Variants in ZFYVE16 observed in about 807,000 individuals in gnomAD.
The protein encoded by ZFYVE16 is zinc finger FYVE domain-containing protein 16.
In ZFYVE16, 89 loss-of-function variants were observed where a neutral mutation model predicts 138.1. That is an observed-to-expected ratio of 0.64 (90% CI 0.54 to 0.77). The LOEUF is 0.77. ZFYVE16 is among the 30% of genes least tolerant of loss of function. The probability of loss-of-function intolerance (pLI) is 0.00; values close to 1 mark genes in which losing one functional copy is unlikely to be tolerated. For synonymous variants in ZFYVE16, 596 were observed against 618.3 expected, an observed-to-expected ratio of 0.96 and a Z score of 0.53; for missense variants, 1,793 against 1,786.7, an observed-to-expected ratio of 1.00 and a Z score of -0.06.
At position 80,459,179 on chromosome 5, in the gene ZFYVE16, C is replaced by T. The variant is rs190263833; in HGVS notation, c.3944-235C>T. On this transcript the variant is annotated intron_variant, in intron 14 of 18. Coordinates refer to ENST00000505560, the MANE Select transcript of ZFYVE16 (RefSeq NM_001284236.3). ...TTGACCTCAGGTGATCTGCCCTTTTCGGCCTCCCAAAGTGCTGGGATTACA... is the reference window on the plus strand; with the variant it reads ...TTGACCTCAGGTGATCTGCCCTTTTTGGCCTCCCAAAGTGCTGGGATTACA... Among the ~76,000 whole-genome samples the T allele has an allele frequency of 9.4e-4, 143 of 152,288 alleles. 1 individual carries two copies. Among genetic ancestry groups the T allele is most frequent in the African/African-American group, 3.0e-3 (124 of 41,566 alleles).
intron 1 of ZFYVE16, among the ~76,000 whole-genome samples, chr5:80,427,174 T>G (rs188717804): frequency 6.6e-6 from 1 of 152,100 alleles, no homozygotes; most frequent in Non-Finnish European, 1.5e-5. Context: ...TGTGAGCCAC[T>G]GCGCCCGGCC....
intron 15 of ZFYVE16, among the ~76,000 whole-genome samples, chr5:80,469,094 C>CTT (rs60001690): frequency 0.021 from 2,903 of 136,558 alleles, 50 homozygotes; most frequent in Middle Eastern, 0.042. Context: ...TTCTTTCTCT[C>CTT]TTTTTTTTTT....
intron 1 of ZFYVE16, among the ~76,000 whole-genome samples, chr5:80,412,780 G>A (rs943604978): frequency 3.3e-5 from 5 of 152,014 alleles, no homozygotes; most frequent in Admixed American, 2.0e-4. Context: ...TCAGAGTTCC[G>A]TTACTACTAC....
intron 5 of ZFYVE16, chr5:80,440,596 T>G (rs1182625554): frequency 1.0e-6 from 1 of 985,094 alleles, no homozygotes; most frequent in Non-Finnish European, 1.2e-6. Context: ...CCATTATTTC[T>G]TTGGCTCTCT....
rs1211962818 is a variant in ZFYVE16, at chr5:80,459,443, G to A, written c.3973G>A (p.Gly1325Arg). 6.2e-7 allele frequency: 1 copy of A among 1,613,022 alleles called. No individual in the cohort carries two copies. The highest frequency in any genetic ancestry group is 8.5e-7 in the Non-Finnish European group (1 of 1,179,524). The change falls in exon 15 of 19, where the codon GGA (glycine) becomes AGA (arginine). Residue 1325 changes from glycine to arginine, a missense_variant. Around this residue, in one of 2 missense-constraint regions of ZFYVE16, gnomAD observed 498 missense variants for 582.4 expected, o/e 0.86. Transcript: ENST00000505560. ...AGGTGCAAGTTTTGTGGTATTCAATGGAGCTCTAAAAACATCTTCAGGATT... is the reference window on the plus strand; with the variant it reads ...AGGTGCAAGTTTTGTGGTATTCAATAGAGCTCTAAAAACATCTTCAGGATT... ...VTGASFVVFN[G>R]ALKTSSGFLA...
intron 18 of ZFYVE16, 137 bp downstream of exon 18, chr5:80,474,967 A>G (rs371958412): frequency 2.2e-6 from 2 of 913,978 alleles, no homozygotes; most frequent in South Asian, 3.8e-5. Context: ...CTTCACATAT[A>G]TTATCTGTAT....
rs923500029 is a variant in ZFYVE16, at chr5:80,437,018, A to G, written c.333A>G (p.Ser111=). 6 of 1,614,232 alleles carry G rather than the reference A, an allele frequency of 3.7e-6. No individual in the cohort carries two copies. The highest frequency in any genetic ancestry group is 1.1e-5 in the South Asian group (1 of 91,086). Residue 111 remains serine, a synonymous_variant, in exon 4 of 19, where the codon TCA becomes TCG. Coordinates refer to ENST00000505560, the MANE Select transcript of ZFYVE16 (RefSeq NM_001284236.3). The stretch of plus-strand genomic sequence containing the variant: ...TTTCTTCTGTGGATGGTGGTACTTC[A>G]GATGAAATCCAGCCGTTATATATGG... ...DLLSSVDGGT[S]DEIQPLYMGR...
At chr5:80,443,368 A>G in intron 6 of ZFYVE16, 84 bp downstream of exon 6, 1 of 1,426,850 alleles carries the variant, frequency 7.0e-7, no homozygotes, top group Non-Finnish European at 9.5e-7. Context: ...TAGTCAGGAA[A>G]GAGAAACCAG....
At chr5:80,423,301 T>C (rs1747512895) in intron 1 of ZFYVE16, among the ~76,000 whole-genome samples, 1 of 152,150 alleles carries the variant, frequency 6.6e-6, no homozygotes, top group African/African-American at 2.4e-5. Flanking sequence ...ATTACCAAAT[T>C]TGTGGGCAGA....
intron 1 of ZFYVE16, among the ~76,000 whole-genome samples, chr5:80,411,484 A>G (rs1745452825): frequency 6.6e-6 from 1 of 151,758 alleles, no homozygotes; most frequent in Non-Finnish European, 1.5e-5. Flanking sequence ...AAGTTTTGTG[A>G]TTTGATTTTC....
chr5:80,470,873 T>C (rs891254421), intron 15 of ZFYVE16, among the ~76,000 whole-genome samples: 3 of 152,156 alleles, frequency 2.0e-5, no homozygotes, highest in African/African-American at 7.2e-5. Context: ...CCTGAAACTA[T>C]TGCTACAGAA....
chr5:80,453,045 A>G lies in ZFYVE16; in HGVS notation c.3607+1336A>G, dbSNP rs1031326273. On this transcript the variant is annotated intron_variant, in intron 11 of 18. Coordinates refer to ENST00000505560, the MANE Select transcript of ZFYVE16 (RefSeq NM_001284236.3). ...AACTTTTTAGACATTTGATTCTAAT[A>G]TAATTTGGTAGGGATTTTCTTGGAG... Among the ~76,000 whole-genome samples, 7 of 152,212 alleles carry G rather than the reference A, an allele frequency of 4.6e-5. No homozygotes were observed. In the East Asian group the frequency reaches 1.2e-3, roughly 25 times the overall value.
intron 11 of ZFYVE16, chr5:80,455,149 A>G (rs1752391677): frequency 6.5e-6 from 1 of 153,650 alleles, no homozygotes; most frequent in Non-Finnish European, 1.4e-5. Flanking sequence ...GACACACTCC[A>G]TTAGGTTGTT....
chr5:80,457,164 T>C, intron 14 of ZFYVE16, 72 bp downstream of exon 14: 7 of 1,551,464 alleles, frequency 4.5e-6, no homozygotes, highest in Non-Finnish European at 6.1e-6. Context: ...AAAGGGGAAA[T>C]ATATGTATAT....
Position 80,412,779 on chromosome 5 carries a change from C to T in ZFYVE16, c.-94+4626C>T, listed in dbSNP as rs981550254. Among the ~76,000 whole-genome samples, 27 of 152,196 alleles carry T rather than the reference C, an allele frequency of 1.8e-4. No individual in the cohort carries two copies. In the South Asian group the frequency reaches 2.3e-3, roughly 13 times the overall value. ...TAAATACATCCTGTATTCAGAGTTC[C>T]GTTACTACTACTTTTTACTATTATG... On this transcript the variant is annotated intron_variant, in intron 1 of 18. Transcript: ENST00000505560.
intron 11 of ZFYVE16, chr5:80,455,243 T>C (rs1355809652): frequency 5.2e-6 from 1 of 193,620 alleles, no homozygotes; most frequent in African/African-American, 2.4e-5. Context: ...AGTGTTAATA[T>C]TGTCTCTTGG....
At chr5:80,426,260 GTGTGTGTGTGTGTATA>G (rs1561245974) in intron 1 of ZFYVE16, among the ~76,000 whole-genome samples, 31 of 54,762 alleles carry the variant, frequency 5.7e-4, no homozygotes, top group African/African-American at 1.5e-3. Flanking sequence ...GTGTGTGTGT[GTGTGTGTGTGTGTATA>G]TATATATATA....
At chr5:80,469,336 G>A (rs1222988976) in intron 15 of ZFYVE16, among the ~76,000 whole-genome samples, 1 of 151,536 alleles carries the variant, frequency 6.6e-6, no homozygotes, top group Non-Finnish European at 1.5e-5. Flanking sequence ...TGAACTTCTG[G>A]GCTCAAGTGA....
chr5:80,453,496 A>G (rs552486862), intron 11 of ZFYVE16, among the ~76,000 whole-genome samples: 115 of 152,356 alleles, frequency 7.5e-4, no homozygotes, highest in Non-Finnish European at 1.5e-3. Flanking sequence ...TTGGAGAATC[A>G]TGGAGCAATA....
Sources: gnomAD v4.1 joint callset for allele counts (sites outside exome capture counted in the v4.1 genomes callset) on GRCh38, gnomAD v4.1.1 for gene constraint, gnomAD v4.1.1 regional missense constraint, MANE v1.5 for transcripts, NCBI Gene and HGNC (gene_info 2026-07-23, HGNC 2026-07-21) for gene names.